Variants in SCFD2 observed in about 807,000 individuals in gnomAD.
The protein encoded by SCFD2 is sec1 family domain containing 2, also known as sec1 family domain-containing protein 2.
Under a neutral mutation model 58.9 loss-of-function variants are expected in SCFD2, and 54 were observed. The ratio of observed to expected loss-of-function variants is 0.92; its 90% CI spans 0.74 to 1.15. The LOEUF (loss-of-function observed/expected upper bound fraction) is 1.15. SCFD2 is among the 50% of genes most tolerant of loss of function. The probability of loss-of-function intolerance (pLI) is 0.00; values close to 1 mark genes in which losing one functional copy is unlikely to be tolerated. For missense variants in SCFD2, 805 were observed against 836.6 expected (o/e 0.96, Z 0.47); for synonymous variants, 321 against 335.9 (o/e 0.96, Z 0.49).
chr4:53,260,930 A>G (rs1043823240), intron 4 of SCFD2, among the ~76,000 whole-genome samples: 1 of 152,052 alleles, frequency 6.6e-6, no homozygotes, highest in Admixed American at 6.6e-5. Context: ...CAGAGTTTCT[A>G]TATCTTCCTG....
At chr4:53,142,943 G>A (rs1277941893) in intron 5 of SCFD2, among the ~76,000 whole-genome samples, 1 of 152,096 alleles carries the variant, frequency 6.6e-6, no homozygotes, top group Non-Finnish European at 1.5e-5. Context: ...GTTAATCTAA[G>A]CTGTAGTGTG....
chr4:52,912,400 C>T (rs944816881), intron 6 of SCFD2, among the ~76,000 whole-genome samples: 1 of 151,968 alleles, frequency 6.6e-6, no homozygotes, highest in Non-Finnish European at 1.5e-5. Context: ...CTTGTTTAAG[C>T]TTTTTAGAAC....
chr4:53,325,092 C>T (rs1277939624), intron 2 of SCFD2, among the ~76,000 whole-genome samples: 1 of 152,106 alleles, frequency 6.6e-6, no homozygotes, highest in Non-Finnish European at 1.5e-5. Flanking sequence ...CTTTTCTCAC[C>T]ATAAAAACTC....
chr4:53,020,327 C>T lies in SCFD2; in HGVS notation c.1562-99457G>A, dbSNP rs541557202. The stretch of plus-strand genomic sequence containing the variant: ...AGAGTGGATGTGGAAAGCCAGTTTA[C>T]ACACATCTTGTGAGTTAATCGGTTA... On this transcript the variant is annotated intron_variant, in intron 5 of 8. Coordinates refer to ENST00000401642, the MANE Select transcript of SCFD2 (RefSeq NM_152540.4). 9.8e-5 allele frequency among the ~76,000 whole-genome samples: 15 copies of T among 152,290 alleles called. No individual in the cohort carries two copies. The South Asian group carries it at 2.9e-3, about 29-fold the overall frequency.
At chr4:53,048,224 G>T (rs932793349) in intron 5 of SCFD2, among the ~76,000 whole-genome samples, 1 of 152,242 alleles carries the variant, frequency 6.6e-6, no homozygotes, top group Non-Finnish European at 1.5e-5. Context: ...GGTGGTGTGT[G>T]CCTGTAGTCC....
At chr4:53,165,868 A>C (rs1477140256) in intron 4 of SCFD2, among the ~76,000 whole-genome samples, 2 of 152,210 alleles carry the variant, frequency 1.3e-5, no homozygotes, top group Non-Finnish European at 1.5e-5. Flanking sequence ...GACCCCTACA[A>C]GATATGATTT....
intron 2 of SCFD2, among the ~76,000 whole-genome samples, chr4:53,328,938 G>T (rs6856562): frequency 3.3e-5 from 5 of 151,990 alleles, no homozygotes; most frequent in African/African-American, 1.2e-4. Context: ...CTTGGGAAGC[G>T]CAAGGGGTCA....
At chr4:53,128,719 T>A (rs1427979224) in intron 5 of SCFD2, among the ~76,000 whole-genome samples, 1 of 152,230 alleles carries the variant, frequency 6.6e-6, no homozygotes, top group Non-Finnish European at 1.5e-5. Context: ...TTTTAAAATA[T>A]ATGAAAATAT....
chr4:53,069,301 A>C (rs754363771), intron 5 of SCFD2, among the ~76,000 whole-genome samples: 10 of 152,070 alleles, frequency 6.6e-5, no homozygotes, highest in Non-Finnish European at 7.4e-5. Context: ...CTCATTATGA[A>C]TGAGTCCACG....
At chr4:53,083,167 G>A (rs951249373) in intron 5 of SCFD2, among the ~76,000 whole-genome samples, 17 of 152,120 alleles carry the variant, frequency 1.1e-4, no homozygotes, top group Admixed American at 5.9e-4. Context: ...TAGAAAAAAG[G>A]TATATTGCTT....
intron 1 of SCFD2, among the ~76,000 whole-genome samples, chr4:53,356,450 AG>A (rs1481357134): frequency 1.4e-4 from 22 of 152,118 alleles, no homozygotes; most frequent in Non-Finnish European, 1.5e-5. Context: ...GAGAGAGACA[AG>A]GTCTTGCTCT....
chr4:52,945,825 C>G (rs572617333), intron 5 of SCFD2: 1 of 152,232 alleles, frequency 6.6e-6, no homozygotes. Context: ...CTTTCTCTAA[C>G]CTTTCAGTTA....
intron 4 of SCFD2, among the ~76,000 whole-genome samples, chr4:53,190,980 CA>C (rs1727875009): frequency 6.6e-6 from 1 of 152,132 alleles, no homozygotes; most frequent in African/African-American, 2.4e-5. Context: ...TGTGTTATCA[CA>C]AAAAACTACA....
At chr4:52,901,248 G>A (rs530387370) in intron 7 of SCFD2, among the ~76,000 whole-genome samples, 7 of 152,208 alleles carry the variant, frequency 4.6e-5, no homozygotes, top group Non-Finnish European at 7.3e-5. Flanking sequence ...GCTGGGAGCT[G>A]TAGACTGGAG....
In SCFD2 at chr4:53,365,635, C is replaced by G; in HGVS notation, c.307G>C (p.Val103Leu). The G allele has an allele frequency of 6.2e-7, 1 of 1,614,230 alleles. No homozygotes were observed. The highest frequency in any genetic ancestry group is 1.1e-5 in the South Asian group (1 of 91,086). Reference protein sequence around the residue: ...ICRSHFQYCVVVTTVSHAVHL... With the variant: ...ICRSHFQYCVLVTTVSHAVHL... Reference sequence around the variant, plus strand: ...ACAGCGTGGCTCACGGTTGTGACCACCACACAATACTGGAAGTGACTGCGG... The same window carrying G: ...ACAGCGTGGCTCACGGTTGTGACCAGCACACAATACTGGAAGTGACTGCGG... Residue 103 changes from valine (V) to leucine (L), a missense_variant, in exon 1 of 9, where the codon GTG becomes CTG. Transcript: ENST00000401642. The surrounding 1 kb of genome is among the most constrained non-coding windows in gnomAD (Gnocchi z 4.3).
chr4:53,135,650 G>T (rs1450239427), intron 5 of SCFD2, among the ~76,000 whole-genome samples: 7 of 152,032 alleles, frequency 4.6e-5, no homozygotes, highest in Non-Finnish European at 7.4e-5. Context: ...GCTGAGGCAG[G>T]AGAATCGCTG....
chr4:52,954,689 T>A (rs1720670892), intron 5 of SCFD2, among the ~76,000 whole-genome samples: 1 of 152,156 alleles, frequency 6.6e-6, no homozygotes, highest in Non-Finnish European at 1.5e-5. Flanking sequence ...AAAATAACCA[T>A]GGCTTACACA....
chr4:53,063,538 C>T (rs573749064), intron 5 of SCFD2, among the ~76,000 whole-genome samples: 10 of 152,062 alleles, frequency 6.6e-5, no homozygotes, highest in Admixed American at 2.6e-4. Context: ...CTATCATCTC[C>T]TTTAAGAGAT....
chr4:53,310,352 A>G (rs1732654190), intron 3 of SCFD2, among the ~76,000 whole-genome samples: 1 of 152,228 alleles, frequency 6.6e-6, no homozygotes, highest in African/African-American at 2.4e-5. Context: ...ACTGGGGAAT[A>G]TGTCCACTTT....
Sources: allele counts gnomAD v4.1 joint callset (sites outside exome capture counted in the v4.1 genomes callset), GRCh38; gene constraint gnomAD v4.1.1; non-coding constraint Gnocchi (gnomAD v3.1); transcripts MANE v1.5; gene names NCBI Gene and HGNC (gene_info 2026-07-23, HGNC 2026-07-21).